The following PLA2G5 variants were observed in gnomAD, a reference collection of about 807,000 sequenced individuals.
PLA2G5 encodes the protein phospholipase A2 group V.
Under a neutral mutation model 15.9 loss-of-function variants are expected in PLA2G5, and 12 were observed. That is an observed-to-expected ratio of 0.76 (90% confidence interval 0.48 to 1.23). The LOEUF (loss-of-function observed/expected upper bound fraction) is 1.23, where lower values mean the gene tolerates loss of function less well. Among genes scored for constraint, PLA2G5 ranks in the 50% most tolerant of loss-of-function variants. PLA2G5 has a pLI of 0.00. For synonymous variants in PLA2G5, 71 were observed against 71.4 expected (o/e 0.99, Z 0.03); for missense variants, 169 against 177.1 (o/e 0.95, Z 0.26).
At chr1:20,040,753 G>T (rs2013544215) in intron 1 of PLA2G5, among the ~76,000 whole-genome samples, 1 of 152,194 alleles carries the variant, frequency 6.6e-6, no homozygotes, top group African/African-American at 2.4e-5. Flanking sequence ...GATGGGAACT[G>T]CTCAGGGCAA....
chr1:20,074,661 T>C (rs758597088), intron 1 of PLA2G5, among the ~76,000 whole-genome samples: 4 of 152,160 alleles, frequency 2.6e-5, no homozygotes, highest in Non-Finnish European at 5.9e-5. Flanking sequence ...AAATAAAAAG[T>C]GCCTTCCGGG....
At chr1:20,086,743 G>A (rs2016315006) in intron 3 of PLA2G5, among the ~76,000 whole-genome samples, 6 of 152,310 alleles carry the variant, frequency 3.9e-5, no homozygotes, top group Admixed American at 2.6e-4. Flanking sequence ...GTGTTTTATG[G>A]TCAGCCTCAG....
At chr1:20,081,346 C>T (rs1347286749) in intron 1 of PLA2G5, among the ~76,000 whole-genome samples, 4 of 151,890 alleles carry the variant, frequency 2.6e-5, no homozygotes, top group African/African-American at 9.7e-5. Context: ...TTACTCTTTC[C>T]AGGGTGTGGG....
At chr1:20,071,935 C>G (rs2015396381) in intron 1 of PLA2G5, among the ~76,000 whole-genome samples, 1 of 152,116 alleles carries the variant, frequency 6.6e-6, no homozygotes, top group Non-Finnish European at 1.5e-5. Context: ...TGGTGAAGCC[C>G]TGTCCCTACT....
chr1:20,070,574 G>A (rs2015312411), intron 1 of PLA2G5, 109 bp downstream of exon 1: 3 of 610,526 alleles, frequency 4.9e-6, no homozygotes, highest in Non-Finnish European at 6.2e-6. Context: ...AGGCCCAGGG[G>A]GAGGTGCGCA....
At chr1:20,034,478 G>A (rs1315431337) in intron 1 of PLA2G5, among the ~76,000 whole-genome samples, 1 of 152,166 alleles carries the variant, frequency 6.6e-6, no homozygotes, top group Non-Finnish European at 1.5e-5. Context: ...CCACTGCCTG[G>A]TTGTTAACTC....
intron 3 of PLA2G5, 104 bp from the exon 4 acceptor site, chr1:20,089,685 A>G: frequency 1.2e-6 from 1 of 801,936 alleles, no homozygotes; most frequent in East Asian, 2.7e-5. Flanking sequence ...GCGTCCACCA[A>G]GGTGGCCTCT....
intron 1 of PLA2G5, among the ~76,000 whole-genome samples, chr1:20,038,963 T>C (rs553367077): frequency 6.6e-6 from 1 of 152,238 alleles, no homozygotes; most frequent in African/African-American, 2.4e-5. Context: ...TGGCATCAGA[T>C]CTGACATTGT....
At chr1:20,064,582 GAAAA>G (rs542726449) in intron 2 of PLA2G5, among the ~76,000 whole-genome samples, 1 of 124,808 alleles carries the variant, frequency 8.0e-6, no homozygotes, top group Non-Finnish European at 1.7e-5. Flanking sequence ...CTCAAAAAAG[GAAAA>G]AAAAAAAAAA....
upstream of PLA2G5, among the ~76,000 whole-genome samples, chr1:20,067,861 G>A (rs1005236979): frequency 6.6e-6 from 1 of 152,174 alleles, no homozygotes; most frequent in African/African-American, 2.4e-5. Context: ...GCTCATGCCT[G>A]TAATCCCAAC....
At chr1:20,050,818 C>A in intron 1 of PLA2G5, among the ~76,000 whole-genome samples, 1 of 151,876 alleles carries the variant, frequency 6.6e-6, no homozygotes, top group East Asian at 1.9e-4. Flanking sequence ...TACAAACTTT[C>A]CAAAATCAAA....
Position 20,090,555 on chromosome 1 carries a change from T to C in PLA2G5, c.293-13T>C. ...CTTCCCACCCTCATTCTGCTCTTGGTGTCCTTTTGCAGAGCCCGGGCCCTT... is the reference window on the plus strand; with the variant it reads ...CTTCCCACCCTCATTCTGCTCTTGGCGTCCTTTTGCAGAGCCCGGGCCCTT... On this transcript the variant is annotated splice_polypyrimidine_tract_variant and intron_variant, in intron 4 of 4. Coordinates refer to ENST00000375108, the MANE Select transcript of PLA2G5 (RefSeq NM_000929.3). 1 of 1,614,040 alleles carries C rather than the reference T, an allele frequency of 6.2e-7. No homozygotes were observed. The highest frequency in any genetic ancestry group is 8.5e-7 in the Non-Finnish European group (1 of 1,179,920).
At chr1:20,074,148 T>C (rs2015538065) in intron 1 of PLA2G5, among the ~76,000 whole-genome samples, 1 of 152,146 alleles carries the variant, frequency 6.6e-6, no homozygotes, top group African/African-American at 2.4e-5. Context: ...CTAAGTATTC[T>C]AGGCAGGGGG....
intron 1 of PLA2G5, among the ~76,000 whole-genome samples, chr1:20,053,717 C>T (rs1475089346): frequency 6.6e-6 from 1 of 152,132 alleles, no homozygotes; most frequent in Non-Finnish European, 1.5e-5. Context: ...CCCTTCTCCT[C>T]CTGCAGATTT....
chr1:20,069,035 G>A (rs774892318), upstream of PLA2G5: 54 of 876,836 alleles, frequency 6.2e-5, no homozygotes, highest in Non-Finnish European at 4.1e-5. Flanking sequence ...GCCATAAGGT[G>A]TGTGTAAAAA....
intron 3 of PLA2G5, 36 bp from the exon 4 acceptor site, chr1:20,089,753 C>A: frequency 6.4e-7 from 1 of 1,561,134 alleles, no homozygotes; most frequent in Non-Finnish European, 8.8e-7. Flanking sequence ...GGAGGGCACC[C>A]CTCCCACTCG....
intron 1 of PLA2G5, among the ~76,000 whole-genome samples, chr1:20,073,134 G>GAA (rs1295348868): frequency 6.6e-6 from 1 of 152,104 alleles, no homozygotes; most frequent in Non-Finnish European, 1.5e-5. Flanking sequence ...CTCAAAAAAA[G>GAA]AAGGGACATT....
At chr1:20,072,187 C>G (rs1439622971) in intron 1 of PLA2G5, among the ~76,000 whole-genome samples, 1 of 152,186 alleles carries the variant, frequency 6.6e-6, no homozygotes. Flanking sequence ...AGCACTCCCA[C>G]CCTGCTCCCT....
At chr1:20,038,428 G>T (rs1262895481) in intron 1 of PLA2G5, among the ~76,000 whole-genome samples, 1 of 152,154 alleles carries the variant, frequency 6.6e-6, no homozygotes, top group Non-Finnish European at 1.5e-5. Context: ...TGGCTTTCCT[G>T]GGGATCAGGA....
Sources: gnomAD v4.1 joint callset for allele counts (sites outside exome capture counted in the v4.1 genomes callset) on GRCh38, gnomAD v4.1.1 for gene constraint, MANE v1.5 for transcripts, NCBI Gene and HGNC (gene_info 2026-07-23, HGNC 2026-07-21) for gene names.